Variants in SYNJ1 observed in about 807,000 individuals in gnomAD.
SYNJ1 encodes the protein synaptojanin 1.
SYNJ1 carries 78 observed loss-of-function variants against 168.2 expected under a neutral mutation model. That is an observed-to-expected ratio of 0.46 (90% confidence interval 0.39 to 0.56). The LOEUF (loss-of-function observed/expected upper bound fraction) is 0.56, where lower values mean the gene tolerates loss of function less well. SYNJ1 is among the 20% of genes least tolerant of loss of function. The pLI is 0.00. For synonymous variants in SYNJ1, 539 were observed against 548.6 expected (o/e 0.98, Z 0.24); for missense variants, 1,303 against 1,597.6 (o/e 0.82, Z 3.14).
At chr21:32,715,397 C>A (rs1156537492) in intron 2 of SYNJ1, among the ~76,000 whole-genome samples, 1 of 151,886 alleles carries the variant, frequency 6.6e-6, no homozygotes, top group East Asian at 1.9e-4. Flanking sequence ...TCACCTGAAC[C>A]CAGGAGGCTG....
Position 32,650,332 on chromosome 21 carries a change from A to C in SYNJ1, c.2889T>G (p.Thr963=). 1 of 1,605,962 alleles carries C rather than the reference A, an allele frequency of 6.2e-7. No individual in the cohort carries two copies. The highest frequency in any genetic ancestry group is 1.1e-5 in the South Asian group (1 of 88,858). ...CTGGACTTTTTAAAGCAATAGTTATAGTCCGATTCAATAACTAGCGGAGTA... is the reference window on the plus strand; with the variant it reads ...CTGGACTTTTTAAAGCAATAGTTATCGTCCGATTCAATAACTAGCGGAGTA... The part of the protein sequence containing the change: ...SLNGKELLNR[T]ITIALKSPDW... Residue 963 remains threonine, a synonymous_variant, in exon 23 of 33, where the codon ACT becomes ACG. Transcript: ENST00000674351.
chr21:32,686,906 G>T, intron 8 of SYNJ1, 72 bp downstream of exon 8: 1 of 1,027,054 alleles, frequency 9.7e-7, no homozygotes, highest in Non-Finnish European at 1.4e-6. Flanking sequence ...TCTGATTACT[G>T]TATTATTTTA....
In SYNJ1 at chr21:32,646,365, A is replaced by G. The variant is rs1000825112; in HGVS notation, c.3247+28T>C. The G allele has an allele frequency of 1.4e-5, 23 of 1,604,690 alleles. No homozygotes were observed. The Admixed American group carries it at 2.7e-4, about 19-fold the overall frequency. On this transcript the variant is annotated intron_variant, in intron 24 of 32. Coordinates refer to ENST00000674351, the MANE Select transcript of SYNJ1 (RefSeq NM_203446.3). ...TCAAGCACATTGGCCACAGGAAGCC[A>G]TACAAAACTTTCAAATAAAATGCAT...
At position 32,631,503 on chromosome 21, in the gene SYNJ1, G is replaced by A. The variant is rs1289604345; in HGVS notation, c.*302C>T. 1 of 1,614,102 alleles carries A rather than the reference G, an allele frequency of 6.2e-7. No homozygotes were observed. ...AGGAGCAGCAGTCCTGTCACTGAAA[G>A]GATTTGTCCTGGTCAAGCCAGTAAT... On this transcript the variant is annotated 3_prime_UTR_variant, in exon 33 of 33. Coordinates refer to ENST00000674351, the MANE Select transcript of SYNJ1 (RefSeq NM_203446.3).
chr21:32,649,679 T>C (rs901049079), intron 23 of SYNJ1, among the ~76,000 whole-genome samples: 2 of 152,234 alleles, frequency 1.3e-5, no homozygotes, highest in African/African-American at 4.8e-5. Context: ...GGTCTTAATA[T>C]TTGAATGGAA....
chr21:32,712,666 T>A (rs1187124823), intron 2 of SYNJ1, among the ~76,000 whole-genome samples: 1 of 152,134 alleles, frequency 6.6e-6, no homozygotes, highest in African/African-American at 2.4e-5. Flanking sequence ...TTCTTAGGAA[T>A]CAGATTAGGA....
intron 11 of SYNJ1, among the ~76,000 whole-genome samples, chr21:32,679,562 A>G (rs1454616412): frequency 6.6e-6 from 1 of 152,112 alleles, no homozygotes; most frequent in Non-Finnish European, 1.5e-5. Context: ...AAAACAAAAA[A>G]CTTGCGTCTT....
chr21:32,681,287 C>T (rs1387513102), intron 11 of SYNJ1, among the ~76,000 whole-genome samples: 1 of 152,110 alleles, frequency 6.6e-6, no homozygotes, highest in Non-Finnish European at 1.5e-5. Flanking sequence ...ACATACTTCC[C>T]AAACTTAGGG....
At position 32,645,704 on chromosome 21, in the gene SYNJ1, GGGCGGC is replaced by G; in HGVS notation, c.3327_3332del (p.Pro1110_Pro1111del). 1 of 1,480,582 alleles carries G rather than the reference GGGCGGC, an allele frequency of 6.8e-7. No individual in the cohort carries two copies. The highest frequency in any genetic ancestry group is 1.4e-5 in the South Asian group (1 of 70,984). 91.7% of individuals were successfully genotyped at this position (1,480,582 alleles called of 1,614,324 possible). A position where few individuals can be genotyped will look rare whatever the true frequency, so the allele number is the denominator to read the frequency against. On this transcript the variant is annotated inframe_deletion, in exon 25 of 33. Coordinates refer to ENST00000674351, the MANE Select transcript of SYNJ1 (RefSeq NM_203446.3). ...GGCGTGTGGGAGGGGCGACCGGGCG[GGGCGGC>G]GGCGGCCGCTTGGGCTCCAAGGGCT...
Position 32,666,434 on chromosome 21 carries a change from T to G in SYNJ1, c.1951A>C (p.Arg651=), listed in dbSNP as rs1435855159. The G allele has an allele frequency of 6.2e-7, 1 of 1,612,896 alleles. No homozygotes were observed. The highest frequency in any genetic ancestry group is 2.2e-5 in the East Asian group (1 of 44,858). The part of the protein sequence containing the change: ...FIRPQHAPFI[R]DVAVDTVKTG... ...TAGAGGAGTGTTCTGTTTACTGACC[T>G]GATAAAAGGAGCATGCTGTGGTCTG... The change falls in exon 16 of 33, where the codon AGG becomes CGG. Residue 651 remains arginine, a splice_region_variant and synonymous_variant. Transcript: ENST00000674351.
rs369424802 is a variant in SYNJ1, at chr21:32,658,104, G to A, written c.2305-232C>T. ...ACAGGGAAATTCTGGGCAGAAGTGGGTGGGTCCCTTTGCTGGGTCCCACCC... is the reference window on the plus strand; with the variant it reads ...ACAGGGAAATTCTGGGCAGAAGTGGATGGGTCCCTTTGCTGGGTCCCACCC... On this transcript the variant is annotated intron_variant, in intron 18 of 32. Coordinates refer to ENST00000674351, the MANE Select transcript of SYNJ1 (RefSeq NM_203446.3). Among the ~76,000 whole-genome samples, 4 of 152,310 alleles carry A rather than the reference G, an allele frequency of 2.6e-5. No individual in the cohort carries two copies. The South Asian group carries it at 8.3e-4, about 32-fold the overall frequency.
At chr21:32,698,609 G>A (rs1464258031) in intron 4 of SYNJ1, among the ~76,000 whole-genome samples, 1 of 152,182 alleles carries the variant, frequency 6.6e-6, no homozygotes, top group Admixed American at 6.5e-5. Flanking sequence ...CACTATACTA[G>A]AAATCTGGTC....
At chr21:32,666,653 T>C in intron 15 of SYNJ1, 80 bp from the exon 16 acceptor site, 1 of 1,411,382 alleles carries the variant, frequency 7.1e-7, no homozygotes, top group Non-Finnish European at 9.5e-7. Flanking sequence ...CAATTATACC[T>C]TTATCTACCC....
intron 21 of SYNJ1, 117 bp from the exon 22 acceptor site, chr21:32,653,483 AAAG>A (rs2040349352): frequency 7.5e-6 from 6 of 800,890 alleles, no homozygotes; most frequent in Non-Finnish European, 1.2e-5. Context: ...AGTAAAAAGT[AAAG>A]GAGGGAGCGC....
At chr21:32,716,389 A>G (rs899480704) in intron 2 of SYNJ1, among the ~76,000 whole-genome samples, 5 of 152,220 alleles carry the variant, frequency 3.3e-5, no homozygotes, top group Non-Finnish European at 5.9e-5. Context: ...AATGTCTGAA[A>G]AGTCTTTACA....
intron 2 of SYNJ1, among the ~76,000 whole-genome samples, chr21:32,720,320 C>G (rs1304608925): frequency 6.6e-6 from 1 of 152,162 alleles, no homozygotes; most frequent in Non-Finnish European, 1.5e-5. Flanking sequence ...AAACCTCTGG[C>G]TTAATGTTGT....
chr21:32,685,969 T>G (rs763328775), intron 8 of SYNJ1, 52 bp from the exon 9 acceptor site: 4 of 1,554,420 alleles, frequency 2.6e-6, no homozygotes, highest in Admixed American at 2.0e-5. Context: ...AAGGCAAATA[T>G]CCATCTAAAT....
intron 15 of SYNJ1, among the ~76,000 whole-genome samples, chr21:32,668,461 A>G (rs1211939101): frequency 6.6e-6 from 1 of 152,230 alleles, no homozygotes; most frequent in Non-Finnish European, 1.5e-5. Flanking sequence ...AGGAACCCTC[A>G]GAGTTATAGT....
At position 32,657,855 on chromosome 21, in the gene SYNJ1, T is replaced by C. The variant is rs2040520272; in HGVS notation, c.2322A>G (p.Leu774=). 6.2e-7 allele frequency: 1 copy of C among 1,608,438 alleles called. No homozygotes were observed. The highest frequency in any genetic ancestry group is 1.3e-5 in the African/African-American group (1 of 74,452). Residue 774 remains leucine, a synonymous_variant, in exon 19 of 33, where the codon TTA becomes TTG. Coordinates refer to ENST00000674351, the MANE Select transcript of SYNJ1 (RefSeq NM_203446.3). ...TCGGAGCAAAGGTTACCTTTCCTTC[T>C]AAAAATCCTCTAAAAACCTAAAATA... ...KNAGQVFRGF[L]EGKVTFAPTY... is the part of the protein sequence containing the mutation.
Sources: gnomAD v4.1 joint callset for allele counts (sites outside exome capture counted in the v4.1 genomes callset) on GRCh38, gnomAD v4.1.1 for gene constraint, MANE v1.5 for transcripts, NCBI Gene and HGNC (gene_info 2026-07-23, HGNC 2026-07-21) for gene names.